The following MYO5A variants were observed in gnomAD, a reference collection of about 807,000 sequenced individuals.
MYO5A encodes the protein myosin VA, also known as unconventional myosin-Va.
Under a neutral mutation model 249.7 loss-of-function variants are expected in MYO5A, and 98 were observed. The ratio of observed to expected loss-of-function variants is 0.39; its 90% CI spans 0.33 to 0.46. MYO5A has a LOEUF of 0.46. Among genes scored for constraint, MYO5A ranks in the 20% least tolerant of loss-of-function variants. The pLI is 0.98. For missense variants in MYO5A, 1,696 were observed against 2,308.8 expected (o/e 0.73, Z 5.44); for synonymous variants, 778 against 810.6 (o/e 0.96, Z 0.68).
chr15:52,320,585 C>T (rs1260332930), intron 38 of MYO5A, among the ~76,000 whole-genome samples: 1 of 152,072 alleles, frequency 6.6e-6, no homozygotes, highest in African/African-American at 2.4e-5. Context: ...CTTTTGATGT[C>T]TCAAATAGCT....
rs3079000 is a variant in MYO5A at position 52,309,854 on chromosome 15, A to ATGTGTGTG, written c.*3834_*3841dup. The stretch of plus-strand genomic sequence containing the variant: ...TAGTGACGGGGGTGTGTGTGTGTGT[A>ATGTGTGTG]TGTGTGTGTGTGTGTGTGTAAGAGA... On this transcript the variant is annotated 3_prime_UTR_variant, in exon 42 of 42. Transcript: ENST00000399233. 2.0e-5 allele frequency: 3 copies of ATGTGTGTG among 149,940 alleles called. No homozygotes were observed. The highest frequency in any genetic ancestry group is 3.9e-4 in the East Asian group (2 of 5,104). The allele number at this position is 149,940 out of a possible 1,614,324, so 9.3% of individuals were successfully genotyped here. A position where few individuals can be genotyped will look rare whatever the true frequency, so the allele number is the denominator to read the frequency against.
chr15:52,528,215 T>A (rs962540292), intron 1 of MYO5A, among the ~76,000 whole-genome samples: 3 of 152,134 alleles, frequency 2.0e-5, no homozygotes, highest in Admixed American at 6.5e-5. Context: ...CTCGCGTTCA[T>A]CCGGCAGCAT....
rs1169991893 is a variant in MYO5A, at chr15:52,353,955, C to T, written c.3483G>A (p.Arg1161=). ...GCTTCTCCTGCTCCAGCTCTGTGACCCGCTTCTGGAGCTTAAGGAACAATG... is the reference window on the plus strand; with the variant it reads ...GCTTCTCCTGCTCCAGCTCTGTGACTCGCTTCTGGAGCTTAAGGAACAATG... ...DMSLFLKLQK[R]VTELEQEKQV... Residue 1161 remains arginine (R), a synonymous_variant, in exon 26 of 42, where the codon CGG becomes CGA. Transcript: ENST00000399233. 1 of 1,614,086 alleles carries T rather than the reference C, an allele frequency of 6.2e-7. No homozygotes were observed. The highest frequency in any genetic ancestry group is 8.5e-7 in the Non-Finnish European group (1 of 1,180,048).
At chr15:52,519,196 A>T (rs1270955358) in intron 1 of MYO5A, among the ~76,000 whole-genome samples, 1 of 152,202 alleles carries the variant, frequency 6.6e-6, no homozygotes, top group Non-Finnish European at 1.5e-5. Context: ...GTATGAAAAT[A>T]GGGGAAGAGA....
intron 1 of MYO5A, among the ~76,000 whole-genome samples, chr15:52,481,314 T>C (rs377741705): frequency 6.6e-6 from 1 of 152,238 alleles, no homozygotes; most frequent in Non-Finnish European, 1.5e-5. Context: ...TGCCTAGAGA[T>C]TCTATAAGAT....
At chr15:52,485,985 G>A (rs2076811921) in intron 1 of MYO5A, among the ~76,000 whole-genome samples, 1 of 152,214 alleles carries the variant, frequency 6.6e-6, no homozygotes, top group African/African-American at 2.4e-5. Context: ...TAAACAAGCA[G>A]TCATGAGGGC....
At chr15:52,470,460 G>T (rs1693488) in intron 1 of MYO5A, among the ~76,000 whole-genome samples, 142,714 of 152,108 alleles carry the variant, frequency 0.94, 67,628 homozygotes, top group East Asian at 1. Context: ...GAGAACACCC[G>T]GACCAACATG....
chr15:52,357,601 T>C (rs2040306339), intron 25 of MYO5A, among the ~76,000 whole-genome samples: 1 of 152,164 alleles, frequency 6.6e-6, no homozygotes, highest in African/African-American at 2.4e-5. Flanking sequence ...AAAGATTACA[T>C]TTGAAAAATG....
At chr15:52,328,376 G>C (rs6493553) in intron 35 of MYO5A, among the ~76,000 whole-genome samples, 148,659 of 152,320 alleles carry the variant, frequency 0.98, 72,645 homozygotes, top group Middle Eastern at 1. Flanking sequence ...TAAATAGCAG[G>C]TCTAGTCTTC....
In MYO5A at chr15:52,528,691, C is replaced by T. The variant is rs1044655912; in HGVS notation, c.27+89G>A. On this transcript the variant is annotated intron_variant, in intron 1 of 41. Transcript: ENST00000399233. ...ATGGCGCTGGTGGGGCTCGCCTGGG[C>T]CCGGCGCTCCCGCCCCCTCCCCAGC... 7.8e-6 allele frequency: 11 copies of T among 1,410,998 alleles called. No homozygotes were observed. In the African/African-American group the frequency reaches 1.3e-4, roughly 17 times the overall value. 87.4% of individuals were successfully genotyped at this position (1,410,998 alleles called of 1,614,324 possible).
intron 35 of MYO5A, among the ~76,000 whole-genome samples, chr15:52,329,934 A>G (rs1408060420): frequency 5.5e-5 from 5 of 90,974 alleles, no homozygotes; most frequent in African/African-American, 1.0e-4. Context: ...TTTTTTTTGG[A>G]GAGATGCGGT....
intron 1 of MYO5A, among the ~76,000 whole-genome samples, chr15:52,513,203 G>A (rs1421804283): frequency 6.6e-6 from 1 of 151,788 alleles, no homozygotes; most frequent in East Asian, 2.0e-4. Context: ...GGCCGAGATG[G>A]GCTGATCACC....
chr15:52,343,037 A>C (rs1215209084), intron 31 of MYO5A, 80 bp downstream of exon 31: 4 of 1,103,102 alleles, frequency 3.6e-6, no homozygotes, highest in Non-Finnish European at 5.6e-6. Context: ...CAAGAAATAC[A>C]GGGGTGAAAG....
chr15:52,476,421 T>G (rs567480216), intron 1 of MYO5A, among the ~76,000 whole-genome samples: 4 of 152,340 alleles, frequency 2.6e-5, no homozygotes, highest in African/African-American at 9.6e-5. Flanking sequence ...ATGGGTGAAT[T>G]TGATCCTGTC....
chr15:52,409,195 C>T (rs2043139288), intron 6 of MYO5A, among the ~76,000 whole-genome samples: 2 of 152,020 alleles, frequency 1.3e-5, no homozygotes, highest in Admixed American at 1.3e-4. Flanking sequence ...GCACTACTAG[C>T]CTTTGGTCAC....
chr15:52,367,871 A>ACACACACACT (rs1491157064), intron 22 of MYO5A, among the ~76,000 whole-genome samples: 5 of 908 alleles, frequency 5.5e-3, no homozygotes, highest in African/African-American at 0.011. Flanking sequence ...ATATTTTAAA[A>ACACACACACT]CACACACACA....
intron 1 of MYO5A, among the ~76,000 whole-genome samples, chr15:52,450,745 C>CTG (rs1206434622): frequency 6.6e-6 from 1 of 151,628 alleles, no homozygotes; most frequent in Non-Finnish European, 1.5e-5. Flanking sequence ...TCAAGTGATC[C>CTG]TCCCATCTCA....
chr15:52,325,862 A>C (rs1028266477), intron 36 of MYO5A, among the ~76,000 whole-genome samples: 1 of 152,222 alleles, frequency 6.6e-6, no homozygotes, highest in African/African-American at 2.4e-5. Context: ...TTTACCTAAG[A>C]GGTTACTAGA....
In MYO5A at chr15:52,313,515, G is replaced by C. The variant is rs1408225935; in HGVS notation, c.*181C>G. ...GCTATAAAGATAACACAGCACGAAA[G>C]AGCCTATCTTTGTTTCCAAAGTGAT... On this transcript the variant is annotated 3_prime_UTR_variant, in exon 42 of 42. Coordinates refer to ENST00000399233, the MANE Select transcript of MYO5A (RefSeq NM_001382347.1). The C allele has an allele frequency of 9.1e-5, 70 of 772,362 alleles. 2 individuals are homozygous for C. The Admixed American group carries it at 1.3e-3, about 15-fold the overall frequency. The allele number at this position is 772,362 out of a possible 1,614,324, so 47.8% of individuals were successfully genotyped here.
Sources: allele counts gnomAD v4.1 joint callset (sites outside exome capture counted in the v4.1 genomes callset), GRCh38; gene constraint gnomAD v4.1.1; transcripts MANE v1.5; gene names NCBI Gene and HGNC (gene_info 2026-07-23, HGNC 2026-07-21).